The following MEIG1 variants were observed in gnomAD, a reference collection of about 807,000 sequenced individuals.
The protein encoded by MEIG1 is meiosis/spermiogenesis associated 1, also known as meiosis expressed gene 1 protein homolog.
In MEIG1, 12 loss-of-function variants were observed where a neutral mutation model predicts 11.3. That is an observed-to-expected ratio of 1.07 (90% CI 0.68 to 1.73). The LOEUF (loss-of-function observed/expected upper bound fraction) is 1.73. Ranked by LOEUF, MEIG1 falls within the 40% of genes most tolerant of loss-of-function variation. The pLI, the probability that MEIG1 is intolerant of heterozygous loss-of-function variation, is 0.00. For synonymous variants in MEIG1, 41 were observed against 33.2 expected, an observed-to-expected ratio of 1.24 and a Z score of -0.81; for missense variants, 119 against 104.9, an observed-to-expected ratio of 1.13 and a Z score of -0.59.
At chr10:14,964,096 CAAAAAAA>C (rs370368866) in intron 1 of MEIG1, among the ~76,000 whole-genome samples, 1 of 117,822 alleles carries the variant, frequency 8.5e-6, no homozygotes, top group Non-Finnish European at 1.8e-5. Context: ...GACTCCGTCT[CAAAAAAA>C]AAAAAAAAAA....
chr10:14,973,640 G>T (rs1040146705), downstream of MEIG1, among the ~76,000 whole-genome samples: 5 of 151,860 alleles, frequency 3.3e-5, no homozygotes, highest in African/African-American at 1.2e-4. Flanking sequence ...AGTGGTGGCG[G>T]CTGCCTGTAG....
chr10:14,981,831 C>T (rs998846644), intron 1 of MEIG1, among the ~76,000 whole-genome samples: 41 of 152,322 alleles, frequency 2.7e-4, no homozygotes, highest in African/African-American at 9.1e-4. Flanking sequence ...GAGTTTCTTT[C>T]CCAGGGCCCC....
At chr10:14,969,642 C>G (rs1239214892) in intron 2 of MEIG1, among the ~76,000 whole-genome samples, 2 of 152,052 alleles carry the variant, frequency 1.3e-5, no homozygotes, top group African/African-American at 4.8e-5. Context: ...AGAGACCAGC[C>G]TGGCCAACAT....
intron 1 of MEIG1, among the ~76,000 whole-genome samples, chr10:14,985,853 T>C (rs1019195941): frequency 6.6e-6 from 1 of 152,068 alleles, no homozygotes; most frequent in African/African-American, 2.4e-5. Context: ...CCTGTGATAG[T>C]ATTCATAATA....
rs1191285334 is a variant in MEIG1 at position 14,972,846 on chromosome 10, T to G, written c.*205T>G. On this transcript the variant is annotated 3_prime_UTR_variant, in exon 3 of 3. Coordinates refer to ENST00000407572, the MANE Select transcript of MEIG1 (RefSeq NM_001080836.3). ...CTGCAGATGCATTAAAGTTGTACTT[T>G]CTTGGTCCTGCTCTTTTTGTCCATT... 2.3e-6 allele frequency: 1 copy of G among 437,000 alleles called. No individual in the cohort carries two copies. The highest frequency in any genetic ancestry group is 4.1e-6 in the Non-Finnish European group (1 of 245,774). The allele number at this position is 437,000 out of a possible 1,614,324, so 27.1% of individuals were successfully genotyped here.
chr10:14,956,220 G>A (rs1245148491), upstream of MEIG1, among the ~76,000 whole-genome samples: 1 of 152,190 alleles, frequency 6.6e-6, no homozygotes. Flanking sequence ...GCAGTTTGCA[G>A]CTTAACACAC....
downstream of MEIG1, among the ~76,000 whole-genome samples, chr10:14,974,182 G>T (rs1048815556): frequency 1.3e-5 from 2 of 152,078 alleles, no homozygotes; most frequent in Admixed American, 6.6e-5. Flanking sequence ...CCATCTGGGG[G>T]TTGGTTCCTG....
At chr10:14,963,739 C>T (rs998896962) in intron 1 of MEIG1, among the ~76,000 whole-genome samples, 2 of 152,100 alleles carry the variant, frequency 1.3e-5, no homozygotes, top group South Asian at 2.1e-4. Flanking sequence ...CCGAGGTACA[C>T]GATCACTTGA....
At chr10:14,980,012 T>G (rs987163284) in intron 1 of MEIG1, among the ~76,000 whole-genome samples, 1 of 152,078 alleles carries the variant, frequency 6.6e-6, no homozygotes. Context: ...CATAATATTC[T>G]AGGGGGATGT....
chr10:14,970,582 G>A (rs930035636), intron 2 of MEIG1: 3 of 152,210 alleles, frequency 2.0e-5, no homozygotes, highest in Admixed American at 6.5e-5. Context: ...TGGCCTCAGT[G>A]GTGGAAAGGA....
At chr10:14,972,222 C>T (rs1436428149) in intron 2 of MEIG1, among the ~76,000 whole-genome samples, 18 of 152,078 alleles carry the variant, frequency 1.2e-4, no homozygotes, top group Admixed American at 1.2e-3. Flanking sequence ...ACCATGTTGG[C>T]CAGGTTGGTC....
downstream of MEIG1, among the ~76,000 whole-genome samples, chr10:14,975,072 G>A (rs186720243): frequency 1.3e-5 from 2 of 152,126 alleles, no homozygotes; most frequent in African/African-American, 4.8e-5. Flanking sequence ...TCATCTCCAG[G>A]GGATGGCGTA....
chr10:14,986,423 A>G (rs893381011), intron 1 of MEIG1, among the ~76,000 whole-genome samples: 1 of 152,238 alleles, frequency 6.6e-6, no homozygotes, highest in Non-Finnish European at 1.5e-5. Flanking sequence ...TTACCAAACC[A>G]TCTGGAATTG....
intron 2 of MEIG1, among the ~76,000 whole-genome samples, chr10:14,969,624 C>G (rs1423751121): frequency 6.6e-6 from 1 of 152,094 alleles, no homozygotes; most frequent in Non-Finnish European, 1.5e-5. Flanking sequence ...CACCTGCAGT[C>G]AGGAGTTAGA....
downstream of MEIG1, among the ~76,000 whole-genome samples, chr10:14,973,586 G>C (rs1282538249): frequency 6.6e-6 from 1 of 151,952 alleles, no homozygotes. Flanking sequence ...TGGCTAGCAG[G>C]GTGAAACCCT....
At chr10:14,956,160 T>C (rs534653758), upstream of MEIG1, among the ~76,000 whole-genome samples, 2 of 152,350 alleles carry the variant, frequency 1.3e-5, no homozygotes, top group South Asian at 2.1e-4. Flanking sequence ...TAGGTAAGCA[T>C]AGCCCAGACC....
intron 1 of MEIG1, among the ~76,000 whole-genome samples, chr10:14,980,743 A>G (rs1217691927): frequency 1.3e-5 from 2 of 151,992 alleles, no homozygotes; most frequent in Non-Finnish European, 2.9e-5. Context: ...GAGTTCTTGA[A>G]CCTTTGGGGA....
chr10:14,977,399 G>A (rs936121768), downstream of MEIG1, among the ~76,000 whole-genome samples: 2 of 102,904 alleles, frequency 1.9e-5, no homozygotes, highest in South Asian at 3.0e-4. Context: ...GCGTGTACAC[G>A]TGATATTATT....
chr10:14,963,914 C>T (rs1843045915), intron 1 of MEIG1, among the ~76,000 whole-genome samples: 1 of 152,006 alleles, frequency 6.6e-6, no homozygotes, highest in Non-Finnish European at 1.5e-5. Flanking sequence ...CTGGCTAACA[C>T]AGTGAAACCC....
Sources: gnomAD v4.1 joint callset for allele counts (sites outside exome capture counted in the v4.1 genomes callset) on GRCh38, gnomAD v4.1.1 for gene constraint, MANE v1.5 for transcripts, NCBI Gene and HGNC (gene_info 2026-07-23, HGNC 2026-07-21) for gene names.